Variants in FHIT observed in about 807,000 individuals in gnomAD.
The protein encoded by FHIT is fragile histidine triad diadenosine triphosphatase.
FHIT carries 19 observed loss-of-function variants against 17.9 expected under a neutral mutation model. That is an observed-to-expected ratio of 1.06 (90% CI 0.74 to 1.56). The LOEUF (loss-of-function observed/expected upper bound fraction) is 1.56. FHIT is among the 40% of genes most tolerant of loss of function. The probability of loss-of-function intolerance (pLI) is 0.00; values close to 1 mark genes in which losing one functional copy is unlikely to be tolerated. For missense variants in FHIT, 248 were observed against 189.2 expected, an observed-to-expected ratio of 1.31 and a Z score of -1.82; for synonymous variants, 81 against 69.7, an observed-to-expected ratio of 1.16 and a Z score of -0.81.
intron 5 of FHIT, among the ~76,000 whole-genome samples, chr3:60,252,261 G>A (rs1451046192): frequency 6.6e-6 from 1 of 152,068 alleles, no homozygotes; most frequent in East Asian, 1.9e-4. Flanking sequence ...GCTTTATATT[G>A]GACATTAACA....
chr3:61,220,183 C>A (rs1399462905), intron 1 of FHIT, among the ~76,000 whole-genome samples: 2 of 152,196 alleles, frequency 1.3e-5, no homozygotes, highest in Admixed American at 6.5e-5. Flanking sequence ...GCTGTTACTG[C>A]AGACAAATTA....
intron 5 of FHIT, among the ~76,000 whole-genome samples, chr3:60,353,152 T>C (rs1239353121): frequency 6.6e-6 from 1 of 152,174 alleles, no homozygotes; most frequent in Non-Finnish European, 1.5e-5. Flanking sequence ...TATGACCCCT[T>C]CTTCAGACTT....
At chr3:60,940,389 A>G (rs1350197403) in intron 3 of FHIT, among the ~76,000 whole-genome samples, 1 of 149,778 alleles carries the variant, frequency 6.7e-6, no homozygotes, top group African/African-American at 2.6e-5. Context: ...TCAAAGCTGC[A>G]ATGTAATTAA....
At chr3:60,294,735 T>C (rs1708133031) in intron 5 of FHIT, among the ~76,000 whole-genome samples, 1 of 152,118 alleles carries the variant, frequency 6.6e-6, no homozygotes, top group Non-Finnish European at 1.5e-5. Context: ...ACTCATCTGT[T>C]CTCCATTTCT....
At chr3:61,101,191 T>C (rs2035810278) in intron 2 of FHIT, among the ~76,000 whole-genome samples, 1 of 152,242 alleles carries the variant, frequency 6.6e-6, no homozygotes, top group South Asian at 2.1e-4. Context: ...TTTATGGTTT[T>C]AGGTCTAACA....
intron 7 of FHIT, among the ~76,000 whole-genome samples, chr3:60,009,843 A>G (rs1700073141): frequency 6.6e-6 from 1 of 152,130 alleles, no homozygotes; most frequent in African/African-American, 2.4e-5. Context: ...TTCTATCTCT[A>G]TTCAGAGCCT....
At chr3:60,769,216 T>A (rs964630097) in intron 4 of FHIT, among the ~76,000 whole-genome samples, 1 of 152,150 alleles carries the variant, frequency 6.6e-6, no homozygotes, top group Admixed American at 6.5e-5. Context: ...GTGGTTCCAG[T>A]TAAAAGACAA....
Position 60,266,392 on chromosome 3 carries a change from A to AG in FHIT, c.104-252241dup, listed in dbSNP as rs149295354. Reference sequence around the variant, plus strand: ...GGAATCATAATGCCCAGGGCCGCGGAGGGGGCTTCATGAGAAACAGAAATG... The same window carrying AG: ...GGAATCATAATGCCCAGGGCCGCGGAGGGGGGCTTCATGAGAAACAGAAATG... On this transcript the variant is annotated intron_variant, in intron 5 of 9. Transcript: ENST00000492590. Among the ~76,000 whole-genome samples, 879 of 152,142 alleles carry AG rather than the reference A, an allele frequency of 5.8e-3. 5 individuals carry two copies. The highest frequency in any genetic ancestry group is 0.02 in the Middle Eastern group (6 of 294).
rs574994270 is a variant in FHIT, at chr3:60,647,605, A to T, written c.-17-110626T>A. On this transcript the variant is annotated intron_variant, in intron 4 of 9. Coordinates refer to ENST00000492590, the MANE Select transcript of FHIT (RefSeq NM_002012.4). ...GATTACTTAAAATAGTCCCCTGCTC[A>T]AAATAACAAGGGCTTGCCAAAAGAA... is the stretch of plus-strand genomic sequence containing the variant. Among the ~76,000 whole-genome samples, 29 of 152,318 alleles carry T rather than the reference A, an allele frequency of 1.9e-4. 1 individual carries two copies. The South Asian group carries it at 6.0e-3, about 32-fold the overall frequency.
At position 59,780,541 on chromosome 3, in the gene FHIT, C is replaced by A. The variant is rs529933297; in HGVS notation, c.349-28220G>T. Among the ~76,000 whole-genome samples, 85 of 152,262 alleles carry A rather than the reference C, an allele frequency of 5.6e-4. No homozygotes were observed. The Middle Eastern group carries it at 0.02, about 37-fold the overall frequency. ...GGTATGGACTGAATGTGTGTGCCCC[C>A]ACCACTTCCCCAAAATTCATTAACA... On this transcript the variant is annotated intron_variant, in intron 8 of 9. Transcript: ENST00000492590.
intron 5 of FHIT, among the ~76,000 whole-genome samples, chr3:60,353,281 G>C (rs1699502641): frequency 6.6e-6 from 1 of 152,036 alleles, no homozygotes; most frequent in African/African-American, 2.4e-5. Context: ...GTGGGGTGCT[G>C]CTTCTCTTTT....
chr3:61,178,405 A>C (rs1442643725), intron 2 of FHIT, among the ~76,000 whole-genome samples: 1 of 151,424 alleles, frequency 6.6e-6, no homozygotes, highest in African/African-American at 2.4e-5. Context: ...TGGATTTGAC[A>C]GGGTGAGGTG....
intron 5 of FHIT, among the ~76,000 whole-genome samples, chr3:60,418,487 T>C (rs2107254600): frequency 6.9e-6 from 1 of 145,608 alleles, no homozygotes; most frequent in South Asian, 2.2e-4. Context: ...TTTCTTGCTT[T>C]TCTTAAATGG....
chr3:59,852,645 T>C (rs191254364), intron 8 of FHIT, among the ~76,000 whole-genome samples: 26 of 152,306 alleles, frequency 1.7e-4, no homozygotes, highest in South Asian at 4.1e-4. Context: ...AGTAGTTTCA[T>C]TGTCCTAAAA....
At chr3:60,733,659 C>G (rs2042078117) in intron 4 of FHIT, among the ~76,000 whole-genome samples, 1 of 152,194 alleles carries the variant, frequency 6.6e-6, no homozygotes, top group Non-Finnish European at 1.5e-5. Flanking sequence ...CTTCATTCCT[C>G]ATTACCAAAC....
intron 5 of FHIT, among the ~76,000 whole-genome samples, chr3:60,330,926 T>C (rs538134003): frequency 3.9e-5 from 6 of 152,294 alleles, no homozygotes; most frequent in African/African-American, 1.2e-4. Context: ...AACCACAGTC[T>C]TGTTCACATC....
intron 4 of FHIT, among the ~76,000 whole-genome samples, chr3:60,815,108 A>T (rs1008350656): frequency 4.0e-5 from 6 of 151,850 alleles, no homozygotes; most frequent in African/African-American, 1.4e-4. Flanking sequence ...TTGCTTGTTC[A>T]ATCATTTAAG....
At chr3:61,065,138 G>C (rs1036716752) in intron 2 of FHIT, among the ~76,000 whole-genome samples, 8 of 152,038 alleles carry the variant, frequency 5.3e-5, no homozygotes, top group African/African-American at 1.7e-4. Context: ...TTAGCCTGAA[G>C]AATCACTGTC....
chr3:60,126,665 A>C (rs527836238), intron 5 of FHIT, among the ~76,000 whole-genome samples: 1 of 152,326 alleles, frequency 6.6e-6, no homozygotes, highest in Non-Finnish European at 1.5e-5. Context: ...TTCAAGCCAG[A>C]GTCAACCCAA....
Sources: gnomAD v4.1 joint callset for allele counts (sites outside exome capture counted in the v4.1 genomes callset) on GRCh38, gnomAD v4.1.1 for gene constraint, MANE v1.5 for transcripts, NCBI Gene and HGNC (gene_info 2026-07-23, HGNC 2026-07-21) for gene names.